GPHN: variants seen among roughly 807,000 people sequenced by gnomAD.
GPHN encodes the protein gephyrin.
A neutral mutation model predicts 95.5 loss-of-function variants in GPHN; 17 were observed. That is an observed-to-expected ratio of 0.18 (90% CI 0.12 to 0.27). The LOEUF (loss-of-function observed/expected upper bound fraction) is 0.27, where lower values mean the gene tolerates loss of function less well. Ranked by LOEUF, GPHN falls within the 10% of genes least tolerant of loss-of-function variation. The probability of loss-of-function intolerance (pLI) is 1.00; values close to 1 mark genes in which losing one functional copy is unlikely to be tolerated. For synonymous variants in GPHN, 320 were observed against 322.5 expected, an observed-to-expected ratio of 0.99 and a Z score of 0.08; for missense variants, 660 against 978.1, an observed-to-expected ratio of 0.67 and a Z score of 4.34.
intron 1 of GPHN, among the ~76,000 whole-genome samples, chr14:66,648,490 C>T (rs1236127202): frequency 6.6e-6 from 1 of 152,080 alleles, no homozygotes; most frequent in Non-Finnish European, 1.5e-5. Context: ...GATTATAATA[C>T]AGTGTATTTA....
the GPHN span, among the ~76,000 whole-genome samples, chr14:67,493,630 C>A: frequency 1.3e-5 from 2 of 152,126 alleles, no homozygotes; most frequent in Non-Finnish European, 2.9e-5. Flanking sequence ...GCTGTCAATA[C>A]CCTGCCTGTT....
the GPHN span, among the ~76,000 whole-genome samples, chr14:67,226,492 C>G: frequency 7.2e-5 from 11 of 152,336 alleles, no homozygotes; most frequent in African/African-American, 2.6e-4. Flanking sequence ...TCCCAAGTAG[C>G]TGGGACTACA....
chr14:67,170,006 A>T (rs557278687), intron 21 of GPHN, among the ~76,000 whole-genome samples: 1 of 152,214 alleles, frequency 6.6e-6, no homozygotes, highest in Non-Finnish European at 1.5e-5. Flanking sequence ...TGAACCCGGG[A>T]GGCGGAGGTT....
At chr14:67,582,144 G>A in the GPHN span, 1 of 1,613,810 alleles carries the variant, frequency 6.2e-7, no homozygotes, top group South Asian at 1.1e-5. This position sits in a 1 kb window ranked among gnomAD's most constrained non-coding sequence, Gnocchi z 5.0. Flanking sequence ...CCAGTAGAGA[G>A]ATAGTGGCAG....
the GPHN span, among the ~76,000 whole-genome samples, chr14:67,373,842 A>AGTGT: frequency 0.025 from 3,677 of 145,772 alleles, 92 homozygotes; most frequent in African/African-American, 0.062. Flanking sequence ...TAATTTGTTC[A>AGTGT]GTGTGTGTGT....
chr14:67,589,939 T>C, the GPHN span: 9 of 1,326,256 alleles, frequency 6.8e-6, no homozygotes, highest in Non-Finnish European at 7.7e-6. Context: ...AGTCACCTGC[T>C]CTATGGCTCT....
At chr14:67,717,057 A>G in the GPHN span, among the ~76,000 whole-genome samples, 2 of 152,166 alleles carry the variant, frequency 1.3e-5, no homozygotes, top group Non-Finnish European at 2.9e-5. Context: ...AAACTAAATT[A>G]CAGACATCGG....
chr14:66,826,040 G>A (rs1032467897), intron 4 of GPHN, among the ~76,000 whole-genome samples: 1 of 152,092 alleles, frequency 6.6e-6, no homozygotes, highest in South Asian at 2.1e-4. Context: ...ATCACTTTGC[G>A]TTTATGTATG....
intron 9 of GPHN, among the ~76,000 whole-genome samples, chr14:67,017,110 C>T (rs1420128313): frequency 6.6e-6 from 1 of 152,048 alleles, no homozygotes; most frequent in African/African-American, 2.4e-5. Flanking sequence ...ATCATGCTGC[C>T]TTTCATGTCA....
At chr14:67,690,472 A>T in the GPHN span, 1 of 1,539,938 alleles carries the variant, frequency 6.5e-7, no homozygotes, top group Non-Finnish European at 9.0e-7. Flanking sequence ...TAGGAATGAC[A>T]GGAGTCGTGG....
At chr14:67,174,875 C>T (rs551352391) in intron 21 of GPHN, among the ~76,000 whole-genome samples, 2 of 152,232 alleles carry the variant, frequency 1.3e-5, no homozygotes, top group South Asian at 2.1e-4. Flanking sequence ...GTAATAAATA[C>T]CTTCTTTTGA....
chr14:67,626,072 G>C, the GPHN span, among the ~76,000 whole-genome samples: 1 of 152,164 alleles, frequency 6.6e-6, no homozygotes, highest in South Asian at 2.1e-4. Flanking sequence ...GATCAACATG[G>C]TGAAACTCCG....
chr14:67,280,365 G>GA, the GPHN span, among the ~76,000 whole-genome samples: 1 of 152,104 alleles, frequency 6.6e-6, no homozygotes, highest in Non-Finnish European at 1.5e-5. Flanking sequence ...TTTTAGGTGT[G>GA]AAAAAAGATA....
At chr14:67,519,996 C>T in the GPHN span, among the ~76,000 whole-genome samples, 1 of 151,982 alleles carries the variant, frequency 6.6e-6, no homozygotes, top group East Asian at 1.9e-4. Context: ...GTGCTGGGAT[C>T]ATAGGCGTGA....
At chr14:66,858,461 C>G (rs902294341) in intron 4 of GPHN, among the ~76,000 whole-genome samples, 2 of 151,654 alleles carry the variant, frequency 1.3e-5, no homozygotes, top group African/African-American at 4.8e-5. Context: ...TCAGTCCTGG[C>G]AAGATGCATC....
chr14:67,516,462 C>G, the GPHN span, among the ~76,000 whole-genome samples: 1 of 152,140 alleles, frequency 6.6e-6, no homozygotes, highest in Non-Finnish European at 1.5e-5. Flanking sequence ...TTGTAACATA[C>G]CCCAGTGACA....
At chr14:66,693,077 T>C (rs1223529482) in intron 2 of GPHN, among the ~76,000 whole-genome samples, 1 of 151,948 alleles carries the variant, frequency 6.6e-6, no homozygotes, top group African/African-American at 2.4e-5. Context: ...AATAATATAA[T>C]GAAAAATAGC....
chr14:67,559,460 C>CATA, the GPHN span: 3 of 606,028 alleles, frequency 5.0e-6, no homozygotes. Context: ...GTTACCTTAT[C>CATA]AAATAATATT....
chr14:67,438,796 G>A, the GPHN span, among the ~76,000 whole-genome samples: 2 of 150,932 alleles, frequency 1.3e-5, no homozygotes, highest in African/African-American at 2.5e-5. Flanking sequence ...AGGGAGCGGA[G>A]GTTACAGTGA....
Sources: allele counts gnomAD v4.1 joint callset (sites outside exome capture counted in the v4.1 genomes callset), GRCh38; gene constraint gnomAD v4.1.1; non-coding constraint Gnocchi (gnomAD v3.1); transcripts MANE v1.5; gene names NCBI Gene and HGNC (gene_info 2026-07-23, HGNC 2026-07-21).